PCCA: variants seen among roughly 807,000 people sequenced by gnomAD.
PCCA encodes propionyl-CoA carboxylase subunit alpha.
PCCA carries 74 observed loss-of-function variants against 101.3 expected under a neutral mutation model. The ratio of observed to expected loss-of-function variants is 0.73; its 90% CI spans 0.61 to 0.89. PCCA has a LOEUF of 0.89. PCCA is among the 40% of genes least tolerant of loss of function. The pLI is 0.00. For missense variants in PCCA, 891 were observed against 907.0 expected (o/e 0.98, Z 0.23); for synonymous variants, 294 against 313.6 (o/e 0.94, Z 0.66).
intron 7 of PCCA, among the ~76,000 whole-genome samples, chr13:100,225,364 A>G (rs1302460410): frequency 1.3e-5 from 2 of 152,220 alleles, no homozygotes; most frequent in African/African-American, 4.8e-5. Flanking sequence ...TTTAGTTCTA[A>G]TTGTTCGTTA....
intron 6 of PCCA, among the ~76,000 whole-genome samples, chr13:100,196,065 A>G (rs942682383): frequency 6.6e-6 from 1 of 152,216 alleles, no homozygotes; most frequent in Non-Finnish European, 1.5e-5. Flanking sequence ...TCCAAAATTA[A>G]TAACGAACAT....
chr13:100,363,403 G>A (rs2074848398), intron 18 of PCCA, among the ~76,000 whole-genome samples: 1 of 151,630 alleles, frequency 6.6e-6, no homozygotes, highest in Non-Finnish European at 1.5e-5. Context: ...CATGAGCCAT[G>A]GGAGGGCTCC....
At chr13:100,223,425 G>A (rs2059938626) in intron 7 of PCCA, among the ~76,000 whole-genome samples, 1 of 152,056 alleles carries the variant, frequency 6.6e-6, no homozygotes, top group Non-Finnish European at 1.5e-5. Context: ...TTTGCAGTGA[G>A]CATTACAGCT....
intron 6 of PCCA, among the ~76,000 whole-genome samples, chr13:100,178,970 G>A (rs1051296997): frequency 6.6e-6 from 1 of 151,260 alleles, no homozygotes; most frequent in Non-Finnish European, 1.5e-5. Context: ...CCAGCTACTC[G>A]GGAGGCTGAG....
At chr13:100,365,570 A>C (rs1364239770) in intron 18 of PCCA, among the ~76,000 whole-genome samples, 1 of 152,228 alleles carries the variant, frequency 6.6e-6, no homozygotes, top group African/African-American at 2.4e-5. Context: ...AATGGAAGAA[A>C]GATCTCTTGA....
At chr13:100,442,257 G>C (rs945502347) in intron 20 of PCCA, among the ~76,000 whole-genome samples, 1 of 152,066 alleles carries the variant, frequency 6.6e-6, no homozygotes, top group East Asian at 1.9e-4. Flanking sequence ...ACCTCCCAAA[G>C]TGTTGGGATT....
chr13:100,117,741 G>A (rs2152293269), intron 4 of PCCA, among the ~76,000 whole-genome samples: 1 of 152,058 alleles, frequency 6.6e-6, no homozygotes, highest in East Asian at 1.9e-4. Context: ...CCTGCACGTT[G>A]TGCACATGTA....
chr13:100,312,060 T>A (rs1006906212), intron 16 of PCCA, among the ~76,000 whole-genome samples: 2 of 152,214 alleles, frequency 1.3e-5, no homozygotes, highest in African/African-American at 4.8e-5. Flanking sequence ...CTTGTTTGTA[T>A]GCATATTGCT....
At chr13:100,298,947 A>G (rs1018479609) in intron 12 of PCCA, among the ~76,000 whole-genome samples, 9 of 151,708 alleles carry the variant, frequency 5.9e-5, no homozygotes, top group Non-Finnish European at 1.2e-4. Flanking sequence ...TAGCTTTGGA[A>G]TCCTATGTAT....
At chr13:100,285,882 G>A (rs1016570080) in intron 12 of PCCA, among the ~76,000 whole-genome samples, 3 of 152,224 alleles carry the variant, frequency 2.0e-5, no homozygotes, top group African/African-American at 7.2e-5. Flanking sequence ...GCCATAGTTA[G>A]TGATGTAACC....
At chr13:100,262,699 C>G (rs200429797) in intron 9 of PCCA, 30 bp from the exon 10 acceptor site, 7 of 948,284 alleles carry the variant, frequency 7.4e-6, no homozygotes, top group African/African-American at 4.8e-5. Context: ...CCTCTCCCCC[C>G]CTCCTCCTTC....
chr13:100,235,660 G>A (rs1258124554), intron 7 of PCCA, among the ~76,000 whole-genome samples, 182 bp from the exon 8 acceptor site: 2 of 152,116 alleles, frequency 1.3e-5, no homozygotes, highest in Non-Finnish European at 2.9e-5. Context: ...TAATGATGAG[G>A]TAGAATTTAC....
Position 100,287,468 on chromosome 13 carries a change from A to G in PCCA, c.1066-13992A>G, listed in dbSNP as rs569582322. Reference sequence around the variant, plus strand: ...TCCCTTCCAGTGACATGGAACTAAAATATGTTCTTAATAAGAAAAATGGTT... The same window carrying G: ...TCCCTTCCAGTGACATGGAACTAAAGTATGTTCTTAATAAGAAAAATGGTT... On this transcript the variant is annotated intron_variant, in intron 12 of 23. Coordinates refer to ENST00000376285, the MANE Select transcript of PCCA (RefSeq NM_000282.4). Among the ~76,000 whole-genome samples, 30 of 152,248 alleles carry G rather than the reference A, an allele frequency of 2.0e-4. No individual in the cohort carries two copies. In the South Asian group the frequency reaches 6.0e-3, roughly 30 times the overall value.
In PCCA at chr13:100,456,407, C is replaced by T. The variant is rs770089772; in HGVS notation, c.1899+7102C>T. Among the ~76,000 whole-genome samples the T allele has an allele frequency of 7.2e-5, 11 of 152,128 alleles. 1 individual carries two copies. Among genetic ancestry groups the T allele is most frequent in the South Asian group, 4.1e-4 (2 of 4,824 alleles). On this transcript the variant is annotated intron_variant, in intron 21 of 23. Coordinates refer to ENST00000376285, the MANE Select transcript of PCCA (RefSeq NM_000282.4). ...CTTTGGGGCTTAGCGGGTGTTCTCC[C>T]GGTGTGCGGAGACGAGAGATTGTAA... is the stretch of plus-strand genomic sequence containing the variant.
At chr13:100,405,227 C>A (rs946301746) in intron 19 of PCCA, among the ~76,000 whole-genome samples, 2 of 152,176 alleles carry the variant, frequency 1.3e-5, no homozygotes, top group African/African-American at 4.8e-5. Flanking sequence ...GAGTGATGGG[C>A]ATCCTATTTA....
chr13:100,169,465 T>G (rs1439770349), intron 6 of PCCA, among the ~76,000 whole-genome samples: 2 of 151,770 alleles, frequency 1.3e-5, no homozygotes, highest in African/African-American at 4.8e-5. Flanking sequence ...ATCCCTTGAT[T>G]TATGTAAGGA....
chr13:100,428,938 A>G (rs1017182556), intron 20 of PCCA, among the ~76,000 whole-genome samples: 2 of 152,164 alleles, frequency 1.3e-5, no homozygotes, highest in African/African-American at 2.4e-5. Context: ...TCAGTAAGGA[A>G]GTGATGATTG....
chr13:100,118,050 A>G (rs2048984810), intron 4 of PCCA, among the ~76,000 whole-genome samples: 1 of 150,178 alleles, frequency 6.7e-6, no homozygotes, highest in Non-Finnish European at 1.5e-5. Context: ...CGGGAGGCGG[A>G]GCTTGCAGTG....
chr13:100,247,435 C>G (rs2061504311), intron 8 of PCCA, among the ~76,000 whole-genome samples: 2 of 150,782 alleles, frequency 1.3e-5, no homozygotes, highest in African/African-American at 2.4e-5. Flanking sequence ...CCAGGATGGT[C>G]TTGATCTCCT....
Sources: gnomAD v4.1 joint callset for allele counts (sites outside exome capture counted in the v4.1 genomes callset) on GRCh38, gnomAD v4.1.1 for gene constraint, MANE v1.5 for transcripts, NCBI Gene and HGNC (gene_info 2026-07-23, HGNC 2026-07-21) for gene names.